Variants in KMT2A observed in about 807,000 individuals in gnomAD.
KMT2A encodes histone-lysine N-methyltransferase 2A.
A neutral mutation model predicts 345.3 loss-of-function variants in KMT2A; 16 were observed. The observed-to-expected ratio is 0.05, with a 90% confidence interval of 0.03 to 0.07. The LOEUF (loss-of-function observed/expected upper bound fraction) is 0.07. Among genes scored for constraint, KMT2A ranks in the 10% least tolerant of loss-of-function variants. KMT2A has a pLI of 1.00. For missense variants in KMT2A, 3,272 were observed against 4,841.6 expected (o/e 0.68, Z 9.62); for synonymous variants, 1,599 against 1,778.6 (o/e 0.90, Z 2.54).
Position 118,519,724 on chromosome 11 carries a change from C to T in KMT2A, c.11253C>T (p.His3751=), listed in dbSNP as rs1950915489. 6.2e-7 allele frequency: 1 copy of T among 1,614,058 alleles called. No homozygotes were observed. Among genetic ancestry groups the T allele is most frequent in the African/African-American group, 1.3e-5 (1 of 74,922 alleles). ...GTCGAAATTACAAATTCCGTTTCCA[C>T]AAGCCAGAGGAGGCCAATGAACCCC... is the stretch of plus-strand genomic sequence containing the variant. ...KHCRNYKFRF[H]KPEEANEPPL... The change falls in exon 32 of 36, where the codon CAC becomes CAT. Residue 3751 remains histidine (H), a synonymous_variant. Coordinates refer to ENST00000534358, the MANE Select transcript of KMT2A (RefSeq NM_001197104.2).
chr11:118,521,935 G>A lies in KMT2A; in HGVS notation c.11682G>A (p.Glu3894=). Residue 3894 remains glutamate, a synonymous_variant, in exon 36 of 36, where the codon GAG becomes GAA. Coordinates refer to ENST00000534358, the MANE Select transcript of KMT2A (RefSeq NM_001197104.2). This position sits in a 1 kb window ranked among gnomAD's most constrained non-coding sequence, Gnocchi z 5.3. ...GCYMFRIDDS[E]VVDATMHGNA... is the part of the protein sequence containing the mutation. ...ATATGTTCCGAATTGATGACTCAGA[G>A]GTAGTGGATGCCACCATGCATGGAA... is the stretch of plus-strand genomic sequence containing the variant. 2 of 1,614,186 alleles carry A rather than the reference G, an allele frequency of 1.2e-6. No individual in the cohort carries two copies. Among genetic ancestry groups the A allele is most frequent in the South Asian group, 1.1e-5 (1 of 91,074 alleles).
At chr11:118,456,893 C>T (rs1485288447) in intron 1 of KMT2A, among the ~76,000 whole-genome samples, 1 of 152,208 alleles carries the variant, frequency 6.6e-6, no homozygotes, top group African/African-American at 2.4e-5. Flanking sequence ...TGTTCCCAGT[C>T]TTGGTAAATA....
chr11:118,457,929 G>A (rs1949678067), intron 1 of KMT2A, among the ~76,000 whole-genome samples: 1 of 152,124 alleles, frequency 6.6e-6, no homozygotes, highest in African/African-American at 2.4e-5. Flanking sequence ...CTTAAAGACA[G>A]AAGCTGTCCT....
rs782526423 is a variant in KMT2A, at chr11:118,473,889, G to A, written c.2730G>A (p.Arg910=). 6 of 1,614,128 alleles carry A rather than the reference G, an allele frequency of 3.7e-6. No homozygotes were observed. In the South Asian group the frequency reaches 6.6e-5, roughly 18 times the overall value. Reference sequence around the variant, plus strand: ...GTTCTGCTTTGTATCCTGTGGGTAGGGTTTCCAAAGAGAAGGTTGTTGGTG... The same window carrying A: ...GTTCTGCTTTGTATCCTGTGGGTAGAGTTTCCAAAGAGAAGGTTGTTGGTG... ...QSSSALYPVG[R]VSKEKVVGED... is the part of the protein sequence containing the mutation. Residue 910 remains arginine (R), a synonymous_variant, in exon 3 of 36, where the codon AGG becomes AGA. Coordinates refer to ENST00000534358, the MANE Select transcript of KMT2A (RefSeq NM_001197104.2). This position sits in a 1 kb window ranked among gnomAD's most constrained non-coding sequence, Gnocchi z 5.2.
chr11:118,498,649 T>C lies in KMT2A; in HGVS notation c.5961+121T>C. On this transcript the variant is annotated intron_variant, in intron 22 of 35. Coordinates refer to ENST00000534358, the MANE Select transcript of KMT2A (RefSeq NM_001197104.2). The surrounding 1 kb of genome is among the most constrained non-coding windows in gnomAD (Gnocchi z 4.4). ...CCCATATGCCCCCTGCACCCACATA[T>C]GCACAGCCTCCCCCATGATCAGCAT... 2 of 925,532 alleles carry C rather than the reference T, an allele frequency of 2.2e-6. No individual in the cohort carries two copies. The highest frequency in any genetic ancestry group is 3.2e-6 in the Non-Finnish European group (2 of 628,506). The allele number at this position is 925,532 out of a possible 1,614,324, so 57.3% of individuals were successfully genotyped here. A position where few individuals can be genotyped will look rare whatever the true frequency, so the allele number is the denominator to read the frequency against.
In KMT2A at chr11:118,472,527, T is replaced by C; in HGVS notation, c.1368T>C (p.Cys456=). 6.2e-7 allele frequency: 1 copy of C among 1,613,232 alleles called. No homozygotes were observed. The part of the protein sequence containing the change: ...TPNSRFSAPS[C]GSSEKSSAAS... Reference sequence around the variant, plus strand: ...ATAGTAGATTCAGTGCCCCGTCCTGTGGATCTTCTGAAAAATCAAGTGCAG... The same window carrying C: ...ATAGTAGATTCAGTGCCCCGTCCTGCGGATCTTCTGAAAAATCAAGTGCAG... Residue 456 remains cysteine, a synonymous_variant, in exon 3 of 36, where the codon TGT becomes TGC. Coordinates refer to ENST00000534358, the MANE Select transcript of KMT2A (RefSeq NM_001197104.2).
At chr11:118,513,003 C>T (rs1950722697) in intron 31 of KMT2A, among the ~76,000 whole-genome samples, 1 of 152,074 alleles carries the variant, frequency 6.6e-6, no homozygotes, top group South Asian at 2.1e-4. Flanking sequence ...CTTTGGGTGA[C>T]CAAGGCAGAA....
rs1555036782 is a variant in KMT2A, at chr11:118,474,028, A to C, written c.2869A>C (p.Lys957Gln). The change falls in exon 3 of 36, where the codon AAA becomes CAA. Residue 957 changes from lysine (K) to glutamine (Q), a missense_variant. Transcript: ENST00000534358. ...GACTCTTGGGGATACAACAGCTGTC[A>C]AAACCAAAATACTTATAAAGAAAGG... ...SVTLGDTTAV[K>Q]TKILIKKGRG... 6.2e-7 allele frequency: 1 copy of C among 1,613,716 alleles called. No homozygotes were observed. The highest frequency in any genetic ancestry group is 8.5e-7 in the Non-Finnish European group (1 of 1,179,946).
intron 7 of KMT2A, 133 bp from the exon 8 acceptor site, chr11:118,482,289 T>G (rs1407214880): frequency 2.1e-6 from 2 of 931,120 alleles, no homozygotes. Context: ...AGGTATTGTT[T>G]TAATTTCCTG....
At chr11:118,488,386 T>TTC (rs745869642) in intron 10 of KMT2A, 137 of 552,158 alleles carry the variant, frequency 2.5e-4, no homozygotes, top group Non-Finnish European at 3.9e-4. Context: ...TGTATTATAT[T>TTC]TATTTTGTTA....
intron 10 of KMT2A, among the ~76,000 whole-genome samples, chr11:118,485,479 T>A (rs535790312): frequency 6.6e-6 from 1 of 152,222 alleles, no homozygotes; most frequent in South Asian, 2.1e-4. Context: ...AGCCCTCTAG[T>A]GACCAAAAAC....
chr11:118,479,666 A>G (rs1950097358), intron 5 of KMT2A, among the ~76,000 whole-genome samples: 2 of 152,210 alleles, frequency 1.3e-5, no homozygotes, highest in African/African-American at 4.8e-5. Flanking sequence ...TAAGAGTTAA[A>G]GTGGATTCAG....
At position 118,481,898 on chromosome 11, in the gene KMT2A, A is replaced by G; in HGVS notation, c.3818A>G (p.Glu1273Gly). ...AAGCCCGTCGAGGAAAAGAGTGAAGAAGGGAATGTCTCGGCCCCTGGGCCT... is the reference window on the plus strand; with the variant it reads ...AAGCCCGTCGAGGAAAAGAGTGAAGGAGGGAATGTCTCGGCCCCTGGGCCT... ...PRKPVEEKSEEGNVSAPGPES... is the reference protein window; with the variant it reads ...PRKPVEEKSEGGNVSAPGPES... Residue 1273 changes from glutamate to glycine, a missense_variant, in exon 7 of 36, where the codon GAA becomes GGA. Glu to Gly is a moderately conservative substitution (Grantham distance 98). This residue lies in a region of KMT2A where 168 missense variants were observed against 216.0 expected (regional missense o/e 0.78). Transcript: ENST00000534358. 6.2e-7 allele frequency: 1 copy of G among 1,614,224 alleles called. No homozygotes were observed. The highest frequency in any genetic ancestry group is 1.3e-5 in the African/African-American group (1 of 75,060).
rs2134413435 is a variant in KMT2A at position 118,506,420 on chromosome 11, G to A, written c.10528G>A (p.Ala3510Thr). The change falls in exon 27 of 36, where the codon GCC becomes ACC. Residue 3510 changes from alanine (A) to threonine (T), a missense_variant. Ala to Thr is a moderately conservative substitution (Grantham distance 58). Coordinates refer to ENST00000534358, the MANE Select transcript of KMT2A (RefSeq NM_001197104.2). ...CAAGGCTTTATCCTCAGCTGTGCAA[G>A]CCAGCCCCACCTCTCCTGGGGGTTC... ...QNKALSSAVQ[A>T]SPTSPGGSPS... The A allele has an allele frequency of 2.5e-6, 4 of 1,614,204 alleles. 1 individual carries two copies. In the South Asian group the frequency reaches 4.4e-5, roughly 18 times the overall value.
At chr11:118,467,035 G>A in intron 1 of KMT2A, among the ~76,000 whole-genome samples, 1 of 151,918 alleles carries the variant, frequency 6.6e-6, no homozygotes, top group East Asian at 1.9e-4. Context: ...AAAAATTACT[G>A]TAGTCTGTGT....
In KMT2A at chr11:118,506,250, A is replaced by C. The variant is rs782785709; in HGVS notation, c.10358A>C (p.Tyr3453Ser). 11 of 1,614,132 alleles carry C rather than the reference A, an allele frequency of 6.8e-6. No homozygotes were observed. The highest frequency in any genetic ancestry group is 9.3e-6 in the Non-Finnish European group (11 of 1,180,020). Residue 3453 changes from tyrosine (Y) to serine (S), a missense_variant, in exon 27 of 36, where the codon TAT (tyrosine) becomes TCT (serine). Physicochemically the swap from Tyr to Ser is moderately radical, Grantham distance 144. Coordinates refer to ENST00000534358, the MANE Select transcript of KMT2A (RefSeq NM_001197104.2). ...CCTTCTGGGGAAGCAGACGAACACT[A>C]TCAGCTTCAGCATGTGAACCAGCTC... Reference protein sequence around the residue: ...ASPSGEADEHYQLQHVNQLLA... With the variant: ...ASPSGEADEHSQLQHVNQLLA...
intron 1 of KMT2A, among the ~76,000 whole-genome samples, chr11:118,454,084 A>G (rs1949594223): frequency 6.6e-6 from 1 of 152,136 alleles, no homozygotes; most frequent in South Asian, 2.1e-4. Flanking sequence ...TTGCTACCAA[A>G]ACCTCAGACT....
At chr11:118,462,317 G>A (rs975268403) in intron 1 of KMT2A, among the ~76,000 whole-genome samples, 31 of 151,706 alleles carry the variant, frequency 2.0e-4, no homozygotes, top group African/African-American at 7.0e-4. Flanking sequence ...TAGTTTTTTT[G>A]TTTTGTTTTG....
In KMT2A at chr11:118,525,669, G is replaced by T. The variant is rs1555055324; in HGVS notation, c.*3497G>T. The T allele has an allele frequency of 4.4e-6, 1 of 227,790 alleles. No individual in the cohort carries two copies. Among genetic ancestry groups the T allele is most frequent in the Non-Finnish European group, 8.7e-6 (1 of 115,322 alleles). The allele number at this position is 227,790 out of a possible 1,614,324, so 14.1% of individuals were successfully genotyped here. ...ACAAAAATAAAAAAAATATTCTAAT[G>T]AATGTATCTTTCTAAAGGACTGACG... On this transcript the variant is annotated 3_prime_UTR_variant, in exon 36 of 36. Coordinates refer to ENST00000534358, the MANE Select transcript of KMT2A (RefSeq NM_001197104.2).
Sources: gnomAD v4.1 joint callset for allele counts (sites outside exome capture counted in the v4.1 genomes callset) on GRCh38, gnomAD v4.1.1 for gene constraint, gnomAD v4.1.1 regional missense constraint, Gnocchi (gnomAD v3.1) non-coding constraint, MANE v1.5 for transcripts, NCBI Gene and HGNC (gene_info 2026-07-23, HGNC 2026-07-21) for gene names.